The following RAB11FIP1 variants were observed in gnomAD, a reference collection of about 807,000 sequenced individuals.
The protein encoded by RAB11FIP1 is rab11 family-interacting protein 1.
A neutral mutation model predicts 83.1 loss-of-function variants in RAB11FIP1; 49 were observed. The observed-to-expected ratio is 0.59, with a 90% CI of 0.47 to 0.75. The LOEUF is 0.75. RAB11FIP1 is among the 30% of genes least tolerant of loss of function. The probability of loss-of-function intolerance (pLI) is 0.00; values close to 1 mark genes in which losing one functional copy is unlikely to be tolerated. For synonymous variants in RAB11FIP1, 670 were observed against 656.0 expected (o/e 1.02, Z -0.33); for missense variants, 1,536 against 1,598.7 (o/e 0.96, Z 0.67).
At chr8:37,895,352 C>T (rs1177386521) in intron 1 of RAB11FIP1, among the ~76,000 whole-genome samples, 5 of 128,206 alleles carry the variant, frequency 3.9e-5, no homozygotes, top group Non-Finnish European at 8.0e-5. Context: ...CTCAAGTGAT[C>T]CTCCTGCCTC....
At chr8:37,877,810 C>T in intron 1 of RAB11FIP1, 1 of 334,804 alleles carries the variant, frequency 3.0e-6, no homozygotes, top group Non-Finnish European at 5.4e-6. Context: ...GCCTCTGCCT[C>T]CTGGGTTCAA....
At chr8:37,869,029 A>G (rs1219216684) in intron 5 of RAB11FIP1, among the ~76,000 whole-genome samples, 1 of 152,004 alleles carries the variant, frequency 6.6e-6, no homozygotes, top group Non-Finnish European at 1.5e-5. Flanking sequence ...GGAGTTCAAG[A>G]CCAGCCTGAG....
intron 1 of RAB11FIP1, among the ~76,000 whole-genome samples, chr8:37,893,066 GTTCT>G (rs1372024014): frequency 6.7e-6 from 1 of 148,594 alleles, no homozygotes; most frequent in Non-Finnish European, 1.5e-5. Flanking sequence ...TTATTTGTGA[GTTCT>G]TTTTTCTTTT....
rs750164958 is a variant in RAB11FIP1, at chr8:37,872,196, G to A, written c.2606C>T (p.Thr869Ile). Reference sequence around the variant, plus strand: ...CGCACCACACGTCGCTGGCCCAGGTGTGGTCACCGATTCCCTTTCTGAGTC... The same window carrying A: ...CGCACCACACGTCGCTGGCCCAGGTATGGTCACCGATTCCCTTTCTGAGTC... ...AEDSERESVT[T>I]PGPATCGAPA... Residue 869 changes from threonine (T) to isoleucine (I), a missense_variant, in exon 4 of 6, where the codon ACA becomes ATA. Physicochemically the swap from Thr to Ile is moderately conservative, Grantham distance 89. Coordinates refer to ENST00000330843, the MANE Select transcript of RAB11FIP1 (RefSeq NM_001002814.3). The A allele has an allele frequency of 3.1e-6, 5 of 1,613,994 alleles. No individual in the cohort carries two copies. In the African/African-American group the frequency reaches 4.0e-5, roughly 13 times the overall value.
intron 2 of RAB11FIP1, among the ~76,000 whole-genome samples, chr8:37,876,650 T>A (rs1343776393): frequency 6.6e-6 from 1 of 151,606 alleles, no homozygotes; most frequent in Non-Finnish European, 1.5e-5. Flanking sequence ...AGGGCATTTT[T>A]TTTTTTTTGA....
chr8:37,899,194 G>A lies in RAB11FIP1; in HGVS notation c.248C>T (p.Ala83Val). Residue 83 changes from alanine (A) to valine (V), a missense_variant, in exon 1 of 6, where the codon GCG (alanine) becomes GTG (valine). Physicochemically the swap from Ala to Val is moderately conservative, Grantham distance 64 (BLOSUM62 0). Transcript: ENST00000330843. The surrounding 1 kb of genome is among the most constrained non-coding windows in gnomAD (Gnocchi z 4.5). ...GGTGAGCTGCAGGGTGGCGGCGGCCGCGGGTCCGGAGGACAGCAGCGATGG... is the reference window on the plus strand; with the variant it reads ...GGTGAGCTGCAGGGTGGCGGCGGCCACGGGTCCGGAGGACAGCAGCGATGG... ...ELPSLLSSGPAAAATLQLTVL... is the reference protein window; with the variant it reads ...ELPSLLSSGPVAAATLQLTVL... 6.4e-7 allele frequency: 1 copy of A among 1,566,716 alleles called. No individual in the cohort carries two copies. Among genetic ancestry groups the A allele is most frequent in the South Asian group, 1.1e-5 (1 of 87,066 alleles).
Position 37,875,357 on chromosome 8 carries a change from T to C in RAB11FIP1, c.815-35A>G, listed in dbSNP as rs372555049. ...GAAAAAGAACAGAAAGGGGATAAGA[T>C]GTTAAACGGGTGGTTTGCAGTGTAG... On this transcript the variant is annotated intron_variant, in intron 2 of 5. Coordinates refer to ENST00000330843, the MANE Select transcript of RAB11FIP1 (RefSeq NM_001002814.3). 183 of 1,528,556 alleles carry C rather than the reference T, an allele frequency of 1.2e-4. No individual in the cohort carries two copies. The African/African-American group carries it at 2.3e-3, about 20-fold the overall frequency. The allele number at this position is 1,528,556 out of a possible 1,614,324, so 94.7% of individuals were successfully genotyped here. A position where few individuals can be genotyped will look rare whatever the true frequency, so the allele number is the denominator to read the frequency against.
chr8:37,870,750 G>C (rs543570707), intron 4 of RAB11FIP1: 1 of 481,982 alleles, frequency 2.1e-6, no homozygotes, highest in South Asian at 3.8e-5. Context: ...TCCTTGTCCA[G>C]ATGTCCTGAT....
Position 37,874,908 on chromosome 8 carries a change from T to C in RAB11FIP1, c.1229A>G (p.Glu410Gly), listed in dbSNP as rs149961486. 3 of 1,614,146 alleles carry C rather than the reference T, an allele frequency of 1.9e-6. No homozygotes were observed. Among genetic ancestry groups the C allele is most frequent in the East Asian group, 4.5e-5 (2 of 44,878 alleles). ...CTCTGAGTTTGCGGGGGCCATGTTT[T>C]CCCTGAGGTCCCCACTGACCAGTGG... is the stretch of plus-strand genomic sequence containing the variant. ...PAPLVSGDLR[E>G]NMAPANSEAT... The change falls in exon 3 of 6, where the codon GAA becomes GGA. Residue 410 changes from glutamate to glycine, a missense_variant. Transcript: ENST00000330843.
intron 3 of RAB11FIP1, 93 bp downstream of exon 3, chr8:37,874,422 T>C: frequency 1.0e-6 from 1 of 983,582 alleles, no homozygotes; most frequent in South Asian, 1.5e-5. Context: ...GGTACTATGA[T>C]ATCATGGGAC....
rs1306151878 is a variant in RAB11FIP1, at chr8:37,874,532, G to A, written c.1605C>T (p.Thr535=). ...AAACTCACCGGGGCTTGACAGCTCT[G>A]GTCTGGGGAGCCCTCGGAGAGGAAA... The part of the protein sequence containing the change: ...PPISSPRAPQ[T]RAVKPRLEVS... The change falls in exon 3 of 6, where the codon ACC becomes ACT. Residue 535 remains threonine, a synonymous_variant. Coordinates refer to ENST00000330843, the MANE Select transcript of RAB11FIP1 (RefSeq NM_001002814.3). 5 of 1,613,988 alleles carry A rather than the reference G, an allele frequency of 3.1e-6. No homozygotes were observed. Among genetic ancestry groups the A allele is most frequent in the Non-Finnish European group, 4.2e-6 (5 of 1,179,948 alleles).
At chr8:37,866,264 G>A (rs1806339939) in intron 5 of RAB11FIP1, among the ~76,000 whole-genome samples, 1 of 152,084 alleles carries the variant, frequency 6.6e-6, no homozygotes, top group Admixed American at 6.5e-5. Context: ...GAACTCGGGA[G>A]GCGGAGGTTG....
chr8:37,898,321 G>C (rs1260083274), intron 1 of RAB11FIP1, among the ~76,000 whole-genome samples: 1 of 151,440 alleles, frequency 6.6e-6, no homozygotes, highest in Non-Finnish European at 1.5e-5. Context: ...GACCAGCCTG[G>C]CCAACACGGT....
chr8:37,865,361 C>A (rs1357616357), intron 5 of RAB11FIP1, among the ~76,000 whole-genome samples: 1 of 151,106 alleles, frequency 6.6e-6, no homozygotes, highest in African/African-American at 2.4e-5. Flanking sequence ...ACTGTGACAC[C>A]CAGGCTGGAG....
At chr8:37,895,236 T>C (rs1370895507) in intron 1 of RAB11FIP1, among the ~76,000 whole-genome samples, 1 of 8,076 alleles carries the variant, frequency 1.2e-4, no homozygotes, top group Non-Finnish European at 2.4e-4. Flanking sequence ...TATATATATA[T>C]ATATATATAT....
chr8:37,882,645 T>G (rs570683461), intron 1 of RAB11FIP1, among the ~76,000 whole-genome samples: 2 of 152,340 alleles, frequency 1.3e-5, no homozygotes, highest in African/African-American at 4.8e-5. Context: ...ATAAACTTGC[T>G]TTTACTTTGC....
At position 37,860,363 on chromosome 8, in the gene RAB11FIP1, GAC is replaced by G. The variant is rs1326950331; in HGVS notation, c.*2530_*2531del. On this transcript the variant is annotated 3_prime_UTR_variant, in exon 6 of 6. Coordinates refer to ENST00000330843, the MANE Select transcript of RAB11FIP1 (RefSeq NM_001002814.3). ...CCTTTTCTTTCTTTCTTTTTTTTGAGACAGAGTCTCGCCCGTTGCCCAGGCTG... is the reference window on the plus strand; with the variant it reads ...CCTTTTCTTTCTTTCTTTTTTTTGAGAGAGTCTCGCCCGTTGCCCAGGCTG... 1 of 152,208 alleles carries G rather than the reference GAC, an allele frequency of 6.6e-6. No individual in the cohort carries two copies. Among genetic ancestry groups the G allele is most frequent in the Non-Finnish European group, 1.5e-5 (1 of 68,142 alleles). 9.4% of individuals were successfully genotyped at this position (152,208 alleles called of 1,614,324 possible). A position where few individuals can be genotyped will look rare whatever the true frequency, so the allele number is the denominator to read the frequency against.
Position 37,859,159 on chromosome 8 carries a change from C to T in RAB11FIP1, c.*3736G>A, listed in dbSNP as rs942761124. 5 of 151,650 alleles carry T rather than the reference C, an allele frequency of 3.3e-5. No homozygotes were observed. The highest frequency in any genetic ancestry group is 4.4e-5 in the Non-Finnish European group (3 of 68,020). The allele number at this position is 151,650 out of a possible 1,614,324, so 9.4% of individuals were successfully genotyped here. On this transcript the variant is annotated 3_prime_UTR_variant, in exon 6 of 6. Coordinates refer to ENST00000330843, the MANE Select transcript of RAB11FIP1 (RefSeq NM_001002814.3). The stretch of plus-strand genomic sequence containing the variant: ...GATATGGAGACACCATATGGAGATA[C>T]GGAGTTAAGTTTGGTGGATACTAGG...
intron 1 of RAB11FIP1, among the ~76,000 whole-genome samples, chr8:37,881,355 G>A (rs981543082): frequency 1.2e-4 from 18 of 152,020 alleles, no homozygotes; most frequent in Non-Finnish European, 2.2e-4. Context: ...AATTTATCTT[G>A]GATGGGCCAT....
Sources: allele counts gnomAD v4.1 joint callset (sites outside exome capture counted in the v4.1 genomes callset), GRCh38; gene constraint gnomAD v4.1.1; non-coding constraint Gnocchi (gnomAD v3.1); transcripts MANE v1.5; gene names NCBI Gene and HGNC (gene_info 2026-07-23, HGNC 2026-07-21).